The following XKR4 variants were observed in gnomAD, a reference collection of about 807,000 sequenced individuals.
XKR4 encodes the protein XK related 4, also known as XK-related protein 4.
In XKR4, 12 loss-of-function variants were observed where a neutral mutation model predicts 53.9. The observed-to-expected ratio is 0.22, with a 90% CI of 0.14 to 0.36. The LOEUF (loss-of-function observed/expected upper bound fraction) is 0.36. Ranked by LOEUF, XKR4 falls within the 10% of genes least tolerant of loss-of-function variation. The probability of loss-of-function intolerance (pLI) is 1.00; values close to 1 mark genes in which losing one functional copy is unlikely to be tolerated. For missense variants in XKR4, 799 were observed against 859.5 expected, an observed-to-expected ratio of 0.93 and a Z score of 0.88; for synonymous variants, 354 against 362.4, an observed-to-expected ratio of 0.98 and a Z score of 0.26.
intron 1 of XKR4, among the ~76,000 whole-genome samples, chr8:55,206,508 A>T (rs905519809): frequency 3.3e-5 from 5 of 152,358 alleles, no homozygotes; most frequent in East Asian, 3.9e-4. Context: ...TCCACAGCAC[A>T]CACAAAATGA....
At chr8:55,342,881 G>A (rs959980383) in intron 1 of XKR4, among the ~76,000 whole-genome samples, 4 of 152,190 alleles carry the variant, frequency 2.6e-5, no homozygotes, top group Non-Finnish European at 5.9e-5. Context: ...CATCTAAAAT[G>A]TAAGTCCCTA....
chr8:55,311,431 A>C (rs1005682791), intron 1 of XKR4, among the ~76,000 whole-genome samples: 23 of 152,328 alleles, frequency 1.5e-4, no homozygotes, highest in African/African-American at 5.3e-4. Flanking sequence ...CAGCCAGCTG[A>C]AGAGAGCATG....
At chr8:55,125,747 A>G in intron 1 of XKR4, among the ~76,000 whole-genome samples, 1 of 152,234 alleles carries the variant, frequency 6.6e-6, no homozygotes, top group East Asian at 1.9e-4. Context: ...AAAAATGAGC[A>G]AAGAATATGC....
At chr8:55,235,732 G>A (rs111609985) in intron 1 of XKR4, among the ~76,000 whole-genome samples, 202 of 152,156 alleles carry the variant, frequency 1.3e-3, no homozygotes, top group African/African-American at 4.7e-3. Flanking sequence ...TGACGCTGCA[G>A]CAATAGAAAG....
chr8:55,304,395 C>G (rs1332733076), intron 1 of XKR4, among the ~76,000 whole-genome samples: 1 of 152,126 alleles, frequency 6.6e-6, no homozygotes, highest in East Asian at 1.9e-4. Flanking sequence ...TTTACATTTG[C>G]TGAGGAGTGC....
At chr8:55,357,220 A>G (rs1179968399) in intron 1 of XKR4, among the ~76,000 whole-genome samples, 1 of 152,192 alleles carries the variant, frequency 6.6e-6, no homozygotes, top group Non-Finnish European at 1.5e-5. Flanking sequence ...ATATGTTGGG[A>G]ATTTGCAATA....
intron 2 of XKR4, among the ~76,000 whole-genome samples, chr8:55,514,709 T>C (rs1436662807): frequency 6.6e-6 from 1 of 152,124 alleles, no homozygotes; most frequent in Non-Finnish European, 1.5e-5. Context: ...TCTTTTTTTT[T>C]AAACGTGGGA....
At chr8:55,450,692 C>A in intron 2 of XKR4, 1 of 583,870 alleles carries the variant, frequency 1.7e-6, no homozygotes, top group Non-Finnish European at 3.3e-6. Flanking sequence ...AGAATGTGGG[C>A]TCCCCCGTGG....
At chr8:55,454,753 C>A (rs1046272299) in intron 2 of XKR4, 1 of 784,526 alleles carries the variant, frequency 1.3e-6, no homozygotes, top group Non-Finnish European at 2.3e-6. Context: ...ATGGTCAAGT[C>A]GCGACACAGG....
intron 2 of XKR4, among the ~76,000 whole-genome samples, chr8:55,518,061 G>A (rs73595347): frequency 6.6e-6 from 1 of 152,156 alleles, no homozygotes; most frequent in Admixed American, 6.5e-5. Flanking sequence ...AAAAAGACAG[G>A]CTCATTCTCT....
At chr8:55,511,654 C>A (rs1030838085) in intron 2 of XKR4, among the ~76,000 whole-genome samples, 13 of 152,204 alleles carry the variant, frequency 8.5e-5, no homozygotes, top group Middle Eastern at 3.2e-3. Flanking sequence ...CGACTTCGCC[C>A]TTCCTTTTTT....
Position 55,213,817 on chromosome 8 carries a change from A to T in XKR4, c.806+110523A>T, listed in dbSNP as rs189725211. Among the ~76,000 whole-genome samples, 16 of 150,996 alleles carry T rather than the reference A, an allele frequency of 1.1e-4. No homozygotes were observed. The East Asian group carries it at 3.1e-3, about 29-fold the overall frequency. ...TGCAAAGGCAGTTTCAATAGAGTCA[A>T]TAACAGTTTACTATTAATACTTCTT... On this transcript the variant is annotated intron_variant, in intron 1 of 2. Coordinates refer to ENST00000327381, the MANE Select transcript of XKR4 (RefSeq NM_052898.2).
chr8:55,150,825 G>A, intron 1 of XKR4, among the ~76,000 whole-genome samples: 1 of 152,118 alleles, frequency 6.6e-6, no homozygotes, highest in South Asian at 2.1e-4. Flanking sequence ...CAATACTGGT[G>A]CATAGTAAGT....
chr8:55,497,229 A>G (rs16921907), intron 2 of XKR4, among the ~76,000 whole-genome samples: 7,961 of 152,314 alleles, frequency 0.052, 595 homozygotes, highest in East Asian at 0.28. Flanking sequence ...CAACACTAAA[A>G]GTCAAATAAG....
chr8:55,427,164 C>G (rs1183742299), intron 2 of XKR4, among the ~76,000 whole-genome samples: 1 of 152,078 alleles, frequency 6.6e-6, no homozygotes, highest in Non-Finnish European at 1.5e-5. Flanking sequence ...CAGCAGTTAT[C>G]TAAAAACACT....
intron 1 of XKR4, among the ~76,000 whole-genome samples, chr8:55,133,641 G>T (rs934039063): frequency 5.3e-5 from 8 of 152,218 alleles, no homozygotes; most frequent in African/African-American, 1.4e-4. Flanking sequence ...AATATAAGTA[G>T]TGTGAATTAA....
chr8:55,396,545 G>A (rs1378345732), intron 2 of XKR4, among the ~76,000 whole-genome samples: 3 of 151,764 alleles, frequency 2.0e-5, no homozygotes, highest in Non-Finnish European at 4.4e-5. Context: ...AAAAAGAACA[G>A]CCCAGAAGAA....
intron 1 of XKR4, chr8:55,140,291 A>G (rs529580158): frequency 1.0e-4 from 26 of 258,484 alleles, no homozygotes; most frequent in Non-Finnish European, 1.9e-4. Flanking sequence ...CAATTCAGGA[A>G]TGTGGTGTTC....
intron 2 of XKR4, among the ~76,000 whole-genome samples, chr8:55,503,781 A>C (rs1307076020): frequency 6.6e-6 from 1 of 152,060 alleles, no homozygotes; most frequent in African/African-American, 2.4e-5. Context: ...CTTTTTCTTG[A>C]CCTTAGAAGA....
Sources: allele counts gnomAD v4.1 joint callset (sites outside exome capture counted in the v4.1 genomes callset), GRCh38; gene constraint gnomAD v4.1.1; transcripts MANE v1.5; gene names NCBI Gene and HGNC (gene_info 2026-07-23, HGNC 2026-07-21).